Variants in PBX1 observed in about 807,000 individuals in gnomAD.
PBX1 encodes the protein PBX homeobox 1.
In PBX1, 6 loss-of-function variants were observed where a neutral mutation model predicts 53.4. That is an observed-to-expected ratio of 0.11 (90% CI 0.06 to 0.22). PBX1 has a LOEUF of 0.22. Ranked by LOEUF, PBX1 falls within the 10% of genes least tolerant of loss-of-function variation. PBX1 has a pLI of 1.00. For synonymous variants in PBX1, 204 were observed against 212.3 expected (o/e 0.96, Z 0.34); for missense variants, 251 against 551.4 (o/e 0.46, Z 5.46).
At chr1:164,645,867 T>C (rs1215728987) in intron 2 of PBX1, among the ~76,000 whole-genome samples, 2 of 152,174 alleles carry the variant, frequency 1.3e-5, no homozygotes, top group East Asian at 3.9e-4. Flanking sequence ...AATGGGCGCT[T>C]TGAATTTTGA....
intron 2 of PBX1, among the ~76,000 whole-genome samples, chr1:164,875,988 G>GTATATATATACATA (rs1553256089): frequency 3.5e-5 from 2 of 56,938 alleles, no homozygotes; most frequent in Non-Finnish European, 9.0e-5. Context: ...TGGTGTATGT[G>GTATATATATACATA]TATATATATA....
intron 2 of PBX1, among the ~76,000 whole-genome samples, chr1:164,622,723 T>A (rs1274235826): frequency 6.6e-6 from 1 of 152,082 alleles, no homozygotes; most frequent in Non-Finnish European, 1.5e-5. Context: ...CTTAACCAGC[T>A]GTTTGAAATC....
chr1:164,874,241 A>G (rs181125255), intron 2 of PBX1, among the ~76,000 whole-genome samples: 1 of 152,314 alleles, frequency 6.6e-6, no homozygotes, highest in East Asian at 1.9e-4. Context: ...GGGGACCATC[A>G]TAGCCAGGGA....
chr1:164,799,937 T>A lies in PBX1; in HGVS notation c.701+48T>A, dbSNP rs1348113145. The stretch of plus-strand genomic sequence containing the variant: ...CTGCCCTCTCTGGGAGTCCCTGATC[T>A]GGGGCTGGAGTCCACAGCCGCTGCC... On this transcript the variant is annotated intron_variant, in intron 4 of 8. Coordinates refer to ENST00000420696, the MANE Select transcript of PBX1 (RefSeq NM_002585.4). 1.9e-6 allele frequency: 3 copies of A among 1,545,902 alleles called. No homozygotes were observed. The African/African-American group carries it at 4.1e-5, about 21-fold the overall frequency.
rs192249594 is a variant in PBX1 at position 164,836,070 on chromosome 1, G to A, written c.1201-10514G>A. On this transcript the variant is annotated intron_variant, in intron 8 of 8. Transcript: ENST00000420696. ...AATCCTTGGCTTGTTTATATAGCCA[G>A]GTTGAAGAGATAATAGTTACATCTA... Among the ~76,000 whole-genome samples, 28 of 152,254 alleles carry A rather than the reference G, an allele frequency of 1.8e-4. No homozygotes were observed. The East Asian group carries it at 4.3e-3, about 23-fold the overall frequency.
chr1:164,751,581 C>CT (rs1231289371), intron 2 of PBX1, among the ~76,000 whole-genome samples: 5,415 of 137,886 alleles, frequency 0.039, 205 homozygotes, highest in East Asian at 0.12. Flanking sequence ...TATTGCCCCC[C>CT]TTTTTTTTTT....
At chr1:164,767,357 C>T (rs1391977873) in intron 2 of PBX1, among the ~76,000 whole-genome samples, 1 of 152,184 alleles carries the variant, frequency 6.6e-6, no homozygotes, top group Non-Finnish European at 1.5e-5. Flanking sequence ...ACACAGGTCT[C>T]ATGCTCACAA....
chr1:164,601,666 A>G (rs1302646777), intron 2 of PBX1, among the ~76,000 whole-genome samples: 1 of 152,182 alleles, frequency 6.6e-6, no homozygotes, highest in African/African-American at 2.4e-5. Context: ...CACGCTTAGT[A>G]CAAGCCCTTC....
chr1:164,868,926 A>G (rs114585546), intron 2 of PBX1, among the ~76,000 whole-genome samples: 1,789 of 152,286 alleles, frequency 0.012, 26 homozygotes, highest in African/African-American at 0.036. Flanking sequence ...TTTCCTCATC[A>G]GAGTCAGTGG....
At chr1:164,867,363 C>A (rs1223892302) in intron 2 of PBX1, among the ~76,000 whole-genome samples, 1 of 152,174 alleles carries the variant, frequency 6.6e-6, no homozygotes, top group Non-Finnish European at 1.5e-5. Flanking sequence ...ACAGTCAGGA[C>A]AGGCTATAAA....
chr1:164,749,727 T>G (rs1000515409), intron 2 of PBX1, among the ~76,000 whole-genome samples: 6 of 151,996 alleles, frequency 3.9e-5, no homozygotes. Context: ...GAGAATGAAT[T>G]TGTCATTGAT....
Position 164,630,140 on chromosome 1 carries a change from G to T in PBX1, c.265+66829G>T, listed in dbSNP as rs147921667. On this transcript the variant is annotated intron_variant, in intron 2 of 8. Coordinates refer to ENST00000420696, the MANE Select transcript of PBX1 (RefSeq NM_002585.4). ...TGTGACCAATGGGGTGATGCTCGTG[G>T]GACAGTACGTGGCTGACGTTGTGGT... is the stretch of plus-strand genomic sequence containing the variant. Among the ~76,000 whole-genome samples the T allele has an allele frequency of 2.2e-4, 33 of 152,224 alleles. No homozygotes were observed. In the East Asian group the frequency reaches 6.2e-3, roughly 29 times the overall value.
At chr1:164,855,885 A>G (rs184358485), downstream of PBX1, among the ~76,000 whole-genome samples, 1 of 152,266 alleles carries the variant, frequency 6.6e-6, no homozygotes, top group East Asian at 1.9e-4. Flanking sequence ...TTTGTGAAAA[A>G]TTCAAAAATG....
At chr1:164,761,630 A>C (rs1229048014) in intron 2 of PBX1, among the ~76,000 whole-genome samples, 4 of 152,084 alleles carry the variant, frequency 2.6e-5, no homozygotes. Flanking sequence ...TTTTTAGTAG[A>C]GACGGGGTTT....
At chr1:164,786,681 C>CTGTGTGTGTGTGTGTGTG (rs74747780) in intron 2 of PBX1, among the ~76,000 whole-genome samples, 2 of 140,514 alleles carry the variant, frequency 1.4e-5, no homozygotes, top group African/African-American at 5.3e-5. Flanking sequence ...TCAGAAGAGA[C>CTGTGTGTGTGTGTGTGTG]TGTGTGTGTG....
At chr1:164,619,220 A>C (rs945126554) in intron 2 of PBX1, among the ~76,000 whole-genome samples, 2 of 152,062 alleles carry the variant, frequency 1.3e-5, no homozygotes, top group African/African-American at 4.8e-5. Context: ...ACACATATAG[A>C]CTTTGTGGCT....
At chr1:164,812,444 G>GATATCA (rs1669660418) in intron 6 of PBX1, among the ~76,000 whole-genome samples, 1 of 152,142 alleles carries the variant, frequency 6.6e-6, no homozygotes, top group South Asian at 2.1e-4. Flanking sequence ...TCCTCTCAGG[G>GATATCA]ATATCAATAA....
At position 164,564,410 on chromosome 1, in the gene PBX1, C is replaced by T. The variant is rs144630410; in HGVS notation, c.265+1099C>T. On this transcript the variant is annotated intron_variant, in intron 2 of 8. Coordinates refer to ENST00000420696, the MANE Select transcript of PBX1 (RefSeq NM_002585.4). ...TTGATAGTTACACATAAAAAATGGGCGGGGGGAGAGGGCACACAGGGTGGC... is the reference window on the plus strand; with the variant it reads ...TTGATAGTTACACATAAAAAATGGGTGGGGGGAGAGGGCACACAGGGTGGC... 4.8e-3 allele frequency among the ~76,000 whole-genome samples: 724 copies of T among 151,398 alleles called. 11 individuals carry two copies. Among genetic ancestry groups the T allele is most frequent in the African/African-American group, 0.016 (678 of 41,216 alleles).
intron 2 of PBX1, chr1:164,682,365 C>G (rs1400984479): frequency 6.6e-6 from 1 of 152,088 alleles, no homozygotes; most frequent in African/African-American, 2.4e-5. Context: ...ACGGGAAGAA[C>G]CTGTTCATCA....
Sources: gnomAD v4.1 joint callset for allele counts (sites outside exome capture counted in the v4.1 genomes callset) on GRCh38, gnomAD v4.1.1 for gene constraint, MANE v1.5 for transcripts, NCBI Gene and HGNC (gene_info 2026-07-23, HGNC 2026-07-21) for gene names.